Variants in FAM13A observed in about 807,000 individuals in gnomAD.
FAM13A encodes the protein family with sequence similarity 13 member A, also known as protein FAM13A.
Under a neutral mutation model 129.6 loss-of-function variants are expected in FAM13A, and 76 were observed. The observed-to-expected ratio is 0.59, with a 90% CI of 0.49 to 0.71. The LOEUF is 0.71. FAM13A is among the 30% of genes least tolerant of loss of function. The pLI is 0.00. For missense variants in FAM13A, 1,108 were observed against 1,249.3 expected (o/e 0.89, Z 1.70); for synonymous variants, 443 against 449.9 (o/e 0.98, Z 0.20).
intron 6 of FAM13A, among the ~76,000 whole-genome samples, chr4:88,884,162 A>C (rs1479386061): frequency 6.6e-6 from 1 of 151,982 alleles, no homozygotes; most frequent in Non-Finnish European, 1.5e-5. Context: ...CATTTTATGA[A>C]GCCAGTATCA....
At chr4:88,760,145 A>G (rs1229214590) in intron 13 of FAM13A, among the ~76,000 whole-genome samples, 1 of 152,262 alleles carries the variant, frequency 6.6e-6, no homozygotes, top group Non-Finnish European at 1.5e-5. Flanking sequence ...ACTTGCAGCT[A>G]CTTTTAATAG....
At position 88,822,355 on chromosome 4, in the gene FAM13A, C is replaced by A. The variant is rs151070104; in HGVS notation, c.1008-17303G>T. 2.6e-4 allele frequency among the ~76,000 whole-genome samples: 40 copies of A among 152,270 alleles called. No homozygotes were observed. In the East Asian group the frequency reaches 4.0e-3, roughly 15 times the overall value. ...TTGGTATAACTCCTTCGCCTCCCCC[C>A]AGACCCACAATCTATATTATAATCA... On this transcript the variant is annotated intron_variant, in intron 7 of 23. Transcript: ENST00000264344.
intron 19 of FAM13A, among the ~76,000 whole-genome samples, chr4:88,743,864 C>T (rs1467552018): frequency 6.6e-6 from 1 of 152,186 alleles, no homozygotes; most frequent in African/African-American, 2.4e-5. Context: ...TATGCGGCCT[C>T]AAACTCTTAG....
At chr4:88,994,257 C>G (rs1763268218) in intron 3 of FAM13A, among the ~76,000 whole-genome samples, 1 of 152,154 alleles carries the variant, frequency 6.6e-6, no homozygotes, top group African/African-American at 2.4e-5. Flanking sequence ...ACTGACAGTA[C>G]AGTAAAGACC....
intron 7 of FAM13A, among the ~76,000 whole-genome samples, chr4:88,808,503 T>C (rs1422615304): frequency 6.6e-6 from 1 of 152,172 alleles, no homozygotes. Context: ...GGATTTTGCC[T>C]AAACTCTAAC....
rs1281522921 is a variant in FAM13A at position 88,727,208 on chromosome 4, C to T, written c.*1325G>A. The T allele has an allele frequency of 6.6e-6, 1 of 152,662 alleles. No homozygotes were observed. The highest frequency in any genetic ancestry group is 1.5e-5 in the Non-Finnish European group (1 of 68,078). The allele number at this position is 152,662 out of a possible 1,614,324, so 9.5% of individuals were successfully genotyped here. ...GTCAGCCGTGGCAGGCGAGCAGATG[C>T]CTGGGCTCGGCCTCGCAAAGCACAA... On this transcript the variant is annotated 3_prime_UTR_variant, in exon 24 of 24. Transcript: ENST00000264344.
At chr4:89,044,212 G>T (rs1162224508) in intron 1 of FAM13A, among the ~76,000 whole-genome samples, 1 of 151,634 alleles carries the variant, frequency 6.6e-6, no homozygotes, top group Non-Finnish European at 1.5e-5. Flanking sequence ...AATATGTAAA[G>T]AATTGCAACA....
intron 13 of FAM13A, 102 bp downstream of exon 13, chr4:88,767,451 T>G (rs1428729426): frequency 4.0e-6 from 3 of 753,694 alleles, no homozygotes; most frequent in Admixed American, 5.7e-5. Flanking sequence ...GTTATATTAC[T>G]TATCTCAATG....
chr4:89,055,741 T>TA (rs1044492625), intron 1 of FAM13A, among the ~76,000 whole-genome samples: 2 of 152,064 alleles, frequency 1.3e-5, no homozygotes, highest in African/African-American at 2.4e-5. Flanking sequence ...TTTGGGGTGA[T>TA]AAAAAAAGAA....
intron 6 of FAM13A, among the ~76,000 whole-genome samples, chr4:88,889,365 GA>G (rs1020275963): frequency 5.3e-5 from 8 of 152,148 alleles, no homozygotes; most frequent in African/African-American, 1.9e-4. Context: ...GCCATGTCTA[GA>G]CCAGATGGAG....
intron 11 of FAM13A, among the ~76,000 whole-genome samples, chr4:88,778,641 G>T (rs1236863210): frequency 6.6e-6 from 1 of 152,110 alleles, no homozygotes; most frequent in South Asian, 2.1e-4. Context: ...CTCTGCTTCT[G>T]CCCTTGCCTG....
At position 88,851,133 on chromosome 4, in the gene FAM13A, T is replaced by C. The variant is rs1325064122; in HGVS notation, c.894A>G (p.Gln298=). 1 of 1,613,924 alleles carries C rather than the reference T, an allele frequency of 6.2e-7. No individual in the cohort carries two copies. The highest frequency in any genetic ancestry group is 8.5e-7 in the Non-Finnish European group (1 of 1,179,972). ...EGSIQAHRVL[Q]PELSDGIPQL... ...GAGGAATGCCATCAGATAGCTCTGG[T>C]TGCAGTACTCTGTGGGCCTGAATAG... Residue 298 remains glutamine (Q), a synonymous_variant, in exon 7 of 24, where the codon CAA becomes CAG. Transcript: ENST00000264344.
intron 3 of FAM13A, among the ~76,000 whole-genome samples, chr4:89,004,704 A>G (rs572980924): frequency 6.6e-6 from 1 of 152,316 alleles, no homozygotes; most frequent in South Asian, 2.1e-4. Context: ...AATGAGGAGA[A>G]TCACACTAAA....
chr4:88,942,731 A>G (rs1304741283), intron 4 of FAM13A, among the ~76,000 whole-genome samples: 2 of 152,044 alleles, frequency 1.3e-5, no homozygotes, highest in Admixed American at 6.5e-5. Context: ...CTTCTTTCCT[A>G]CCTTGCCTGA....
intron 20 of FAM13A, chr4:88,737,762 AAGG>A (rs1739303495): frequency 5.2e-6 from 3 of 579,992 alleles, no homozygotes; most frequent in African/African-American, 1.9e-5. Flanking sequence ...CACATAAATC[AAGG>A]AGGACAGAGT....
intron 8 of FAM13A, among the ~76,000 whole-genome samples, chr4:88,797,467 G>A (rs144961816): frequency 6.6e-6 from 1 of 152,086 alleles, no homozygotes; most frequent in African/African-American, 2.4e-5. Context: ...GTCTTGCTAT[G>A]TTGCCCAGGT....
intron 19 of FAM13A, among the ~76,000 whole-genome samples, chr4:88,740,916 G>A (rs557171608): frequency 1.5e-4 from 23 of 152,238 alleles, no homozygotes; most frequent in African/African-American, 5.5e-4. Context: ...AACAATGACT[G>A]TCAAAACTAG....
intron 13 of FAM13A, among the ~76,000 whole-genome samples, chr4:88,762,795 G>A (rs1002101686): frequency 6.6e-6 from 1 of 151,668 alleles, no homozygotes; most frequent in Admixed American, 6.6e-5. Context: ...GATCATTAAG[G>A]TTAAAATGTC....
At chr4:88,942,796 C>T (rs1384655753) in intron 4 of FAM13A, among the ~76,000 whole-genome samples, 1 of 152,138 alleles carries the variant, frequency 6.6e-6, no homozygotes, top group Admixed American at 6.5e-5. Flanking sequence ...AAAAAATAGT[C>T]TCCTTACAAG....
Sources: allele counts gnomAD v4.1 joint callset (sites outside exome capture counted in the v4.1 genomes callset), GRCh38; gene constraint gnomAD v4.1.1; transcripts MANE v1.5; gene names NCBI Gene and HGNC (gene_info 2026-07-23, HGNC 2026-07-21).